FKRP: variants seen among roughly 807,000 people sequenced by gnomAD.
FKRP encodes the protein fukutin related protein, also known as ribitol 5-phosphate transferase FKRP.
Under a neutral mutation model 30.6 loss-of-function variants are expected in FKRP, and 25 were observed. That is an observed-to-expected ratio of 0.82 (90% confidence interval 0.60 to 1.14). FKRP has a LOEUF of 1.14. Among genes scored for constraint, FKRP ranks in the 50% most tolerant of loss-of-function variants. The probability of loss-of-function intolerance (pLI) is 0.00; values close to 1 mark genes in which losing one functional copy is unlikely to be tolerated. For synonymous variants in FKRP, 358 were observed against 342.5 expected, an observed-to-expected ratio of 1.05 and a Z score of -0.50; for missense variants, 771 against 727.8, an observed-to-expected ratio of 1.06 and a Z score of -0.68.
chr19:46,748,801 G>A (rs1488234503), intron 3 of FKRP, 136 bp downstream of exon 3: 1 of 152,208 alleles, frequency 6.6e-6, no homozygotes, highest in Admixed American at 6.6e-5. Flanking sequence ...GAGTGAAGTG[G>A]AGCAATCTCG....
intron 3 of FKRP, among the ~76,000 whole-genome samples, chr19:46,749,240 G>A (rs1465014085): frequency 6.6e-6 from 1 of 152,062 alleles, no homozygotes; most frequent in African/African-American, 2.4e-5. Flanking sequence ...ACTAAAGATG[G>A]GCTGAGAGTT....
At chr19:46,748,338 C>A (rs896529678) in intron 2 of FKRP, among the ~76,000 whole-genome samples, 177 bp from the exon 3 acceptor site, 1 of 152,008 alleles carries the variant, frequency 6.6e-6, no homozygotes, top group Non-Finnish European at 1.5e-5. Flanking sequence ...CCACCACGCC[C>A]GGCTAATTTT....
chr19:46,757,144 C>A lies in FKRP; in HGVS notation c.*206C>A. 3 of 694,640 alleles carry A rather than the reference C, an allele frequency of 4.3e-6. No homozygotes were observed. Among genetic ancestry groups the A allele is most frequent in the Middle Eastern group, 4.0e-4 (1 of 2,484 alleles). 43.0% of individuals were successfully genotyped at this position (694,640 alleles called of 1,614,324 possible). ...GATGGGAAGCGACCTCCAGATTTAT[C>A]AAATGGTCATGCCCACTGGGAGCCG... On this transcript the variant is annotated 3_prime_UTR_variant, in exon 4 of 4. Coordinates refer to ENST00000318584, the MANE Select transcript of FKRP (RefSeq NM_024301.5).
chr19:46,756,617 G>A lies in FKRP; in HGVS notation c.1167G>A (p.Glu389=), dbSNP rs771708277. ...RGAEAGSVVD[E]RGFVWEKAVE... ...CAGAGGCCGGCTCGGTGGTGGATGA[G>A]CGCGGCTTCGTATGGGAGAAGGCGG... The change falls in exon 4 of 4, where the codon GAG becomes GAA. Residue 389 remains glutamate, a synonymous_variant. Transcript: ENST00000318584. The surrounding 1 kb of genome is among the most constrained non-coding windows in gnomAD (Gnocchi z 6.6). The A allele has an allele frequency of 7.4e-6, 12 of 1,612,248 alleles. No individual in the cohort carries two copies. The highest frequency in any genetic ancestry group is 1.0e-5 in the Non-Finnish European group (12 of 1,179,526).
At chr19:46,749,439 T>G (rs1599921908) in intron 3 of FKRP, among the ~76,000 whole-genome samples, 1 of 131,764 alleles carries the variant, frequency 7.6e-6, no homozygotes, top group Non-Finnish European at 1.6e-5. Flanking sequence ...TGAGATAAGG[T>G]CTCGAGGCCA....
At chr19:46,754,949 A>T (rs752226431) in intron 3 of FKRP, among the ~76,000 whole-genome samples, 3 of 151,838 alleles carry the variant, frequency 2.0e-5, no homozygotes, top group Non-Finnish European at 2.9e-5. Context: ...CCCACTTAAA[A>T]TTTTTTTTAA....
At chr19:46,746,024 C>T (rs1387723903), upstream of FKRP, 4 of 1,194,526 alleles carry the variant, frequency 3.3e-6, no homozygotes, top group Non-Finnish European at 4.3e-6. Context: ...CGTCGCGGTC[C>T]CCTCCCGCCC....
At chr19:46,747,595 C>T (rs2054681293) in intron 1 of FKRP, 2 of 151,692 alleles carry the variant, frequency 1.3e-5, no homozygotes, top group African/African-American at 4.8e-5. Flanking sequence ...CGGGGTTTCT[C>T]CATGTTGGTC....
At chr19:46,751,060 CTTT>C (rs750482929) in intron 3 of FKRP, among the ~76,000 whole-genome samples, 1 of 133,392 alleles carries the variant, frequency 7.5e-6, no homozygotes. Flanking sequence ...ATGGGAGATG[CTTT>C]TTTTTTTTTT....
chr19:46,750,134 G>A (rs915678978), intron 3 of FKRP, among the ~76,000 whole-genome samples: 5 of 152,134 alleles, frequency 3.3e-5, no homozygotes, highest in African/African-American at 7.2e-5. Context: ...TTATCCTCCC[G>A]ATTCAGAAAA....
intron 1 of FKRP, chr19:46,746,350 G>A: frequency 1.6e-6 from 2 of 1,225,972 alleles, no homozygotes; most frequent in Non-Finnish European, 2.0e-6. Context: ...CCCCAGTGGG[G>A]CCAGGGCCCG....
At position 46,753,234 on chromosome 19, in the gene FKRP, G is replaced by A. The variant is rs181170629; in HGVS notation, c.-39-2178G>A. 1.7e-3 allele frequency among the ~76,000 whole-genome samples: 261 copies of A among 149,804 alleles called. 2 individuals carry two copies. Among genetic ancestry groups the A allele is most frequent in the Non-Finnish European group, 3.1e-3 (210 of 67,692 alleles). Reference sequence around the variant, plus strand: ...TAATCCCAGCACTTTGGGAGGCCACGGCGGGTGGATCACCTGAGGTCAGGA... The same window carrying A: ...TAATCCCAGCACTTTGGGAGGCCACAGCGGGTGGATCACCTGAGGTCAGGA... On this transcript the variant is annotated intron_variant, in intron 3 of 3. Transcript: ENST00000318584.
At chr19:46,746,169 C>T (rs1334359673) in intron 1 of FKRP, 79 bp downstream of exon 1, 25 of 1,532,494 alleles carry the variant, frequency 1.6e-5, no homozygotes, top group Non-Finnish European at 2.2e-5. Context: ...GCGCGCTCGG[C>T]CTCCCAGCGG....
At position 46,746,106 on chromosome 19, in the gene FKRP, GC is replaced by G; in HGVS notation, c.-253+18del. 1 of 1,442,806 alleles carries G rather than the reference GC, an allele frequency of 6.9e-7. No homozygotes were observed. Among genetic ancestry groups the G allele is most frequent in the African/African-American group, 1.5e-5 (1 of 67,058 alleles). 89.4% of individuals were successfully genotyped at this position (1,442,806 alleles called of 1,614,324 possible). On this transcript the variant is annotated intron_variant, in intron 1 of 3. Coordinates refer to ENST00000318584, the MANE Select transcript of FKRP (RefSeq NM_024301.5). The stretch of plus-strand genomic sequence containing the variant: ...GCGGCAGCGGGTGAGGCCGGGCCGG[GC>G]CGGGCCGGGTTGGGGGTCGGGGGTC...
At chr19:46,749,873 A>G (rs1013931553) in intron 3 of FKRP, among the ~76,000 whole-genome samples, 1 of 152,148 alleles carries the variant, frequency 6.6e-6, no homozygotes, top group East Asian at 2.0e-4. Context: ...GCACACCACC[A>G]TGCCCGGCTA....
At chr19:46,755,328 G>A in intron 3 of FKRP, 84 bp from the exon 4 acceptor site, 1 of 878,620 alleles carries the variant, frequency 1.1e-6, no homozygotes, top group Non-Finnish European at 1.7e-6. Context: ...AGAAAGAGCT[G>A]TAGAAAGGGG....
At chr19:46,751,034 G>A (rs530496808) in intron 3 of FKRP, among the ~76,000 whole-genome samples, 1 of 151,350 alleles carries the variant, frequency 6.6e-6, no homozygotes, top group Non-Finnish European at 1.5e-5. Context: ...AAGCAGGAAT[G>A]GGGGATAGGA....
chr19:46,744,772 C>G (rs1055906262), upstream of FKRP, among the ~76,000 whole-genome samples: 1 of 151,792 alleles, frequency 6.6e-6, no homozygotes, highest in Non-Finnish European at 1.5e-5. Context: ...GAAAGGTGGG[C>G]TGCTACAAGC....
upstream of FKRP, chr19:46,745,687 C>T (rs2054575098): frequency 6.5e-6 from 1 of 152,812 alleles, no homozygotes; most frequent in African/African-American, 2.4e-5. Context: ...CCTCGGCGCC[C>T]GGCAAGCTTC....
Sources: allele counts gnomAD v4.1 joint callset (sites outside exome capture counted in the v4.1 genomes callset), GRCh38; gene constraint gnomAD v4.1.1; non-coding constraint Gnocchi (gnomAD v3.1); transcripts MANE v1.5; gene names NCBI Gene and HGNC (gene_info 2026-07-23, HGNC 2026-07-21).